Variants in FGF7 observed in about 807,000 individuals in gnomAD.
FGF7 encodes the protein fibroblast growth factor 7.
A neutral mutation model predicts 20.5 loss-of-function variants in FGF7; 6 were observed. That is an observed-to-expected ratio of 0.29 (90% confidence interval 0.16 to 0.58). The LOEUF (loss-of-function observed/expected upper bound fraction) is 0.58. Ranked by LOEUF, FGF7 falls within the 20% of genes least tolerant of loss-of-function variation. FGF7 has a pLI of 0.90. For missense variants in FGF7, 144 were observed against 228.8 expected, an observed-to-expected ratio of 0.63 and a Z score of 2.39; for synonymous variants, 64 against 74.7, an observed-to-expected ratio of 0.86 and a Z score of 0.74.
intron 2 of FGF7, among the ~76,000 whole-genome samples, chr15:49,462,101 AGAGT>A (rs1194571466): frequency 6.6e-6 from 1 of 152,172 alleles, no homozygotes; most frequent in Admixed American, 6.6e-5. Flanking sequence ...CCTGGGTGAC[AGAGT>A]GAGACTCCAT....
intron 2 of FGF7, among the ~76,000 whole-genome samples, chr15:49,439,992 A>T (rs1165422629): frequency 2.0e-5 from 3 of 151,766 alleles, no homozygotes; most frequent in African/African-American, 4.8e-5. Context: ...AGCGTTTATC[A>T]CATTATCAAA....
rs1413628274 is a variant in FGF7 at position 49,487,103 on chromosome 15, G to A, written c.*2599G>A. The A allele has an allele frequency of 6.6e-6, 1 of 151,786 alleles. No homozygotes were observed. Among genetic ancestry groups the A allele is most frequent in the African/African-American group, 2.4e-5 (1 of 41,388 alleles). The allele number at this position is 151,786 out of a possible 1,614,324, so 9.4% of individuals were successfully genotyped here. The stretch of plus-strand genomic sequence containing the variant: ...ATAGCCTTTACATTTGTACACAAAT[G>A]TGACTATGTCTTGGCAATGCACTTC... On this transcript the variant is annotated 3_prime_UTR_variant, in exon 4 of 4. Coordinates refer to ENST00000267843, the MANE Select transcript of FGF7 (RefSeq NM_002009.4).
intron 2 of FGF7, among the ~76,000 whole-genome samples, chr15:49,456,440 T>C (rs1213216169): frequency 1.3e-5 from 2 of 152,168 alleles, no homozygotes; most frequent in Non-Finnish European, 2.9e-5. Flanking sequence ...AATGTAATGC[T>C]ATGTGGGTAA....
intron 2 of FGF7, among the ~76,000 whole-genome samples, chr15:49,458,622 T>C (rs1248044862): frequency 1.3e-5 from 2 of 152,130 alleles, no homozygotes; most frequent in African/African-American, 2.4e-5. Context: ...GAGGGAACTT[T>C]ATGTTCCCAT....
intron 2 of FGF7, among the ~76,000 whole-genome samples, chr15:49,464,669 C>T (rs763935203): frequency 2.6e-5 from 4 of 152,016 alleles, no homozygotes; most frequent in African/African-American, 9.7e-5. Context: ...CAGATGTTCC[C>T]ATAAAAATGT....
chr15:49,425,360 T>C (rs2050032381), intron 2 of FGF7: 1 of 152,040 alleles, frequency 6.6e-6, no homozygotes, highest in Non-Finnish European at 1.5e-5. Context: ...TATGTTAAAA[T>C]ATCAGGGTTG....
At chr15:49,425,296 C>G (rs993076022) in intron 2 of FGF7, 2 of 151,826 alleles carry the variant, frequency 1.3e-5, no homozygotes, top group East Asian at 3.9e-4. Context: ...GATGGTAATT[C>G]CATGTTTTTC....
At chr15:49,431,559 G>C (rs189125550) in intron 2 of FGF7, among the ~76,000 whole-genome samples, 2 of 151,700 alleles carry the variant, frequency 1.3e-5, no homozygotes, top group African/African-American at 4.8e-5. Flanking sequence ...ATACTGGGGA[G>C]AATTGGCTCT....
At chr15:49,481,332 T>C (rs2055925416) in intron 2 of FGF7, among the ~76,000 whole-genome samples, 1 of 152,266 alleles carries the variant, frequency 6.6e-6, no homozygotes, top group East Asian at 1.9e-4. Context: ...AATGAATTTC[T>C]TCAGTATTTT....
intron 2 of FGF7, among the ~76,000 whole-genome samples, chr15:49,434,234 C>T (rs1369585420): frequency 6.6e-6 from 1 of 151,566 alleles, no homozygotes; most frequent in Non-Finnish European, 1.5e-5. Flanking sequence ...ACATAGTTTC[C>T]GCCTTTGTTT....
At chr15:49,440,011 T>C (rs2051487303) in intron 2 of FGF7, among the ~76,000 whole-genome samples, 1 of 151,784 alleles carries the variant, frequency 6.6e-6, no homozygotes, top group African/African-American at 2.4e-5. Context: ...AAAGTATCTG[T>C]GTTTCCAATA....
intron 2 of FGF7, among the ~76,000 whole-genome samples, chr15:49,458,422 T>C (rs1171203065): frequency 6.6e-6 from 1 of 152,116 alleles, no homozygotes; most frequent in East Asian, 1.9e-4. Context: ...TTCTAATTAA[T>C]TCTCATTTAA....
In FGF7 at chr15:49,486,778, T is replaced by C. The variant is rs2056433388; in HGVS notation, c.*2274T>C. ...AAAAAAGACTTCTAGAAATATGTAC[T>C]TTAATTATTTGTTTTTCTCCTATTT... On this transcript the variant is annotated 3_prime_UTR_variant, in exon 4 of 4. Coordinates refer to ENST00000267843, the MANE Select transcript of FGF7 (RefSeq NM_002009.4). 1.3e-5 allele frequency: 2 copies of C among 151,878 alleles called. No individual in the cohort carries two copies. Among genetic ancestry groups the C allele is most frequent in the Non-Finnish European group, 2.9e-5 (2 of 67,874 alleles). The allele number at this position is 151,878 out of a possible 1,614,324, so 9.4% of individuals were successfully genotyped here. A position where few individuals can be genotyped will look rare whatever the true frequency, so the allele number is the denominator to read the frequency against.
chr15:49,446,608 A>G (rs1177465418), intron 2 of FGF7, among the ~76,000 whole-genome samples: 1 of 151,490 alleles, frequency 6.6e-6, no homozygotes. Context: ...TTTTTAAAGA[A>G]GAGAACAAAA....
intron 2 of FGF7, among the ~76,000 whole-genome samples, chr15:49,441,353 T>A (rs1251788964): frequency 6.6e-6 from 1 of 151,782 alleles, no homozygotes; most frequent in Non-Finnish European, 1.5e-5. Context: ...ATAACATATG[T>A]CTTGGATTCA....
intron 2 of FGF7, among the ~76,000 whole-genome samples, chr15:49,427,125 C>T (rs555922604): frequency 1.3e-5 from 2 of 151,968 alleles, no homozygotes; most frequent in South Asian, 2.1e-4. Flanking sequence ...GAAGGGTAGC[C>T]TTACTATAAT....
At chr15:49,437,019 G>C (rs2051166637) in intron 2 of FGF7, among the ~76,000 whole-genome samples, 2 of 151,370 alleles carry the variant, frequency 1.3e-5, no homozygotes, top group African/African-American at 4.8e-5. Context: ...AGTTTATTTT[G>C]CTTACACATT....
Position 49,423,451 on chromosome 15 carries a change from GTTAT to G in FGF7, c.-267+14_-267+17del, listed in dbSNP as rs762511219. ...TTAGCAACAAAACAAGTAAGTTACT[GTTAT>G]TTGTCTTTTAAAACAATGCTGAATG... On this transcript the variant is annotated intron_variant, in intron 1 of 3. Transcript: ENST00000267843. 22 of 152,098 alleles carry G rather than the reference GTTAT, an allele frequency of 1.4e-4. No individual in the cohort carries two copies. Among genetic ancestry groups the G allele is most frequent in the Non-Finnish European group, 2.4e-4 (16 of 68,004 alleles). 9.4% of individuals were successfully genotyped at this position (152,098 alleles called of 1,614,324 possible). A position where few individuals can be genotyped will look rare whatever the true frequency, so the allele number is the denominator to read the frequency against.
intron 2 of FGF7, chr15:49,434,735 T>G (rs1257818397): frequency 3.3e-5 from 5 of 151,608 alleles, no homozygotes; most frequent in Non-Finnish European, 7.4e-5. Context: ...CTATGTTTAT[T>G]AAAAACATAA....
Sources: gnomAD v4.1 joint callset for allele counts (sites outside exome capture counted in the v4.1 genomes callset) on GRCh38, gnomAD v4.1.1 for gene constraint, MANE v1.5 for transcripts, NCBI Gene and HGNC (gene_info 2026-07-23, HGNC 2026-07-21) for gene names.